Variants in FRMD4A observed in about 807,000 individuals in gnomAD.
FRMD4A encodes the protein FERM domain-containing protein 4A.
In FRMD4A, 29 loss-of-function variants were observed where a neutral mutation model predicts 129.1. The ratio of observed to expected loss-of-function variants is 0.22; its 90% CI spans 0.17 to 0.31. The LOEUF is 0.31. FRMD4A is among the 10% of genes least tolerant of loss of function. The probability of loss-of-function intolerance (pLI) is 1.00; values close to 1 mark genes in which losing one functional copy is unlikely to be tolerated. For synonymous variants in FRMD4A, 634 were observed against 571.6 expected (o/e 1.11, Z -1.56); for missense variants, 1,272 against 1,375.8 (o/e 0.92, Z 1.19).
At chr10:14,081,731 T>C (rs1835940702) in intron 2 of FRMD4A, among the ~76,000 whole-genome samples, 1 of 152,146 alleles carries the variant, frequency 6.6e-6, no homozygotes, top group Non-Finnish European at 1.5e-5. Context: ...GCTGCCCTCC[T>C]AGCAGGCAAG....
rs111543288 is a variant in FRMD4A at position 14,168,486 on chromosome 10, T to G, written c.45+161572A>C. Reference sequence around the variant, plus strand: ...GATTTACTCTTCAAAGGAATCTGTTTCGCTCTGACCTCTTTGAGCACACTT... The same window carrying G: ...GATTTACTCTTCAAAGGAATCTGTTGCGCTCTGACCTCTTTGAGCACACTT... On this transcript the variant is annotated intron_variant, in intron 2 of 24. Coordinates refer to ENST00000357447, the MANE Select transcript of FRMD4A (RefSeq NM_018027.5). Among the ~76,000 whole-genome samples, 1,458 of 152,330 alleles carry G rather than the reference T, an allele frequency of 9.6e-3. 27 individuals carry two copies. Among genetic ancestry groups the G allele is most frequent in the African/African-American group, 0.033 (1,384 of 41,560 alleles).
intron 2 of FRMD4A, among the ~76,000 whole-genome samples, chr10:14,204,669 C>T (rs1446594012): frequency 6.6e-6 from 1 of 151,998 alleles, no homozygotes; most frequent in East Asian, 1.9e-4. Context: ...TCTTTTTCTT[C>T]CTAAAGTAGC....
At chr10:14,322,859 C>T (rs568429845) in intron 2 of FRMD4A, among the ~76,000 whole-genome samples, 1 of 152,308 alleles carries the variant, frequency 6.6e-6, no homozygotes, top group African/African-American at 2.4e-5. Flanking sequence ...GTATGTTCTC[C>T]AAACCACTAT....
At chr10:13,725,871 T>C (rs1440213714) in intron 12 of FRMD4A, among the ~76,000 whole-genome samples, 1 of 152,264 alleles carries the variant, frequency 6.6e-6, no homozygotes, top group Non-Finnish European at 1.5e-5. Context: ...TGAGAAACTC[T>C]GTGACAAGTA....
chr10:14,107,972 G>C (rs1486957856), intron 2 of FRMD4A, among the ~76,000 whole-genome samples: 1 of 152,174 alleles, frequency 6.6e-6, no homozygotes, highest in Non-Finnish European at 1.5e-5. Context: ...CAGATTTCCA[G>C]AAGTGGACCA....
chr10:13,713,952 C>T lies in FRMD4A; in HGVS notation c.760-6839G>A, dbSNP rs181398246. Among the ~76,000 whole-genome samples, 34 of 73,324 alleles carry T rather than the reference C, an allele frequency of 4.6e-4. No individual in the cohort carries two copies. In the East Asian group the frequency reaches 6.2e-3, roughly 13 times the overall value. 48.1% of individuals were successfully genotyped at this position (73,324 alleles called of 152,430 possible). A position where few individuals can be genotyped will look rare whatever the true frequency, so the allele number is the denominator to read the frequency against. On this transcript the variant is annotated intron_variant, in intron 12 of 24. Transcript: ENST00000357447. Reference sequence around the variant, plus strand: ...ATAATATATACATATATGTAATACACACACATATATAATATATACATATAT... The same window carrying T: ...ATAATATATACATATATGTAATACATACACATATATAATATATACATATAT...
intron 9 of FRMD4A, among the ~76,000 whole-genome samples, chr10:13,745,531 T>G (rs1367466852): frequency 6.6e-6 from 1 of 152,148 alleles, no homozygotes; most frequent in East Asian, 1.9e-4. Context: ...GGTGAAGATG[T>G]TCATATGCAG....
chr10:13,973,485 C>T (rs1261297284), intron 2 of FRMD4A, among the ~76,000 whole-genome samples: 1 of 152,044 alleles, frequency 6.6e-6, no homozygotes, highest in Non-Finnish European at 1.5e-5. Flanking sequence ...CTCACCTGGC[C>T]CATTTTAATG....
At chr10:14,069,004 T>C (rs973062943) in intron 2 of FRMD4A, among the ~76,000 whole-genome samples, 1 of 152,088 alleles carries the variant, frequency 6.6e-6, no homozygotes, top group Non-Finnish European at 1.5e-5. Flanking sequence ...TTTTGTTTTC[T>C]GTCCTCAGTG....
chr10:13,660,227 G>T, intron 20 of FRMD4A, 89 bp downstream of exon 20: 1 of 841,174 alleles, frequency 1.2e-6, no homozygotes, highest in Non-Finnish European at 2.0e-6. Context: ...TGTGGATTTT[G>T]TCACCGTGGA....
chr10:14,116,767 T>G (rs1032370065), intron 2 of FRMD4A, among the ~76,000 whole-genome samples: 1 of 152,212 alleles, frequency 6.6e-6, no homozygotes, highest in Admixed American at 6.5e-5. Context: ...TGACATAATT[T>G]ATCTTCACCT....
intron 2 of FRMD4A, among the ~76,000 whole-genome samples, chr10:13,884,160 A>ACT (rs1564970948): frequency 6.4e-5 from 1 of 15,730 alleles, no homozygotes; most frequent in Non-Finnish European, 2.3e-4. Context: ...ACACTCTCAC[A>ACT]CACACACTCA....
chr10:13,903,046 C>G (rs1363411873), intron 2 of FRMD4A, among the ~76,000 whole-genome samples: 1 of 152,130 alleles, frequency 6.6e-6, no homozygotes, highest in South Asian at 2.1e-4. Context: ...GCTCCGGGCA[C>G]CCTGTTGTCT....
intron 2 of FRMD4A, among the ~76,000 whole-genome samples, chr10:14,152,812 C>T (rs552723387): frequency 1.3e-5 from 2 of 151,958 alleles, no homozygotes; most frequent in African/African-American, 4.8e-5. Flanking sequence ...TGCACTCCAG[C>T]CTAAATGACA....
At chr10:14,152,879 A>G (rs1262783239) in intron 2 of FRMD4A, among the ~76,000 whole-genome samples, 1 of 152,084 alleles carries the variant, frequency 6.6e-6, no homozygotes, top group Non-Finnish European at 1.5e-5. Flanking sequence ...AGACTCCTTC[A>G]GCTGGGAAGA....
At chr10:13,962,891 C>A (rs1160355401) in intron 2 of FRMD4A, among the ~76,000 whole-genome samples, 1 of 152,146 alleles carries the variant, frequency 6.6e-6, no homozygotes, top group East Asian at 1.9e-4. Flanking sequence ...AAGAAAAGTG[C>A]TTTCAAGGAG....
At position 14,279,575 on chromosome 10, in the gene FRMD4A, C is replaced by T. The variant is rs74125610; in HGVS notation, c.45+50483G>A. Among the ~76,000 whole-genome samples the T allele has an allele frequency of 6.1e-3, 930 of 152,222 alleles. 15 individuals are homozygous for T. The highest frequency in any genetic ancestry group is 0.022 in the African/African-American group (894 of 41,520). ...ACTACTACAATTTTCTCTCTTTATA[C>T]TTCTTCCAAGAAAGACAGTTACTCC... On this transcript the variant is annotated intron_variant, in intron 2 of 24. Coordinates refer to ENST00000357447, the MANE Select transcript of FRMD4A (RefSeq NM_018027.5).
intron 2 of FRMD4A, among the ~76,000 whole-genome samples, chr10:14,215,157 A>G (rs1160115879): frequency 1.3e-5 from 2 of 152,244 alleles, no homozygotes; most frequent in Non-Finnish European, 2.9e-5. Context: ...CATTGTCTAC[A>G]AAAAGCAATT....
intron 2 of FRMD4A, among the ~76,000 whole-genome samples, chr10:14,097,835 C>CT (rs1436493797): frequency 1.3e-5 from 2 of 148,876 alleles, no homozygotes; most frequent in African/African-American, 4.9e-5. Flanking sequence ...ATAGCTATGA[C>CT]TTCTTGAACA....
Sources: gnomAD v4.1 joint callset for allele counts (sites outside exome capture counted in the v4.1 genomes callset) on GRCh38, gnomAD v4.1.1 for gene constraint, MANE v1.5 for transcripts, NCBI Gene and HGNC (gene_info 2026-07-23, HGNC 2026-07-21) for gene names.